The following SLIT3 variants were observed in gnomAD, a reference collection of about 807,000 sequenced individuals.
SLIT3 encodes the protein slit guidance ligand 3.
Under a neutral mutation model 184.0 loss-of-function variants are expected in SLIT3, and 68 were observed. The observed-to-expected ratio is 0.37, with a 90% CI of 0.30 to 0.45. SLIT3 has a LOEUF of 0.45. SLIT3 is among the 20% of genes least tolerant of loss of function. SLIT3 has a pLI of 1.00. For synonymous variants in SLIT3, 831 were observed against 828.6 expected, an observed-to-expected ratio of 1.00 and a Z score of -0.05; for missense variants, 1,707 against 2,026.0, an observed-to-expected ratio of 0.84 and a Z score of 3.02.
intron 3 of SLIT3, among the ~76,000 whole-genome samples, chr5:169,242,294 T>C (rs1402750201): frequency 1.3e-5 from 2 of 152,214 alleles, no homozygotes; most frequent in Non-Finnish European, 2.9e-5. Context: ...ATGTTCTTCC[T>C]GATTAAGTAC....
intron 30 of SLIT3, 60 bp from the exon 31 acceptor site, chr5:168,685,987 A>T: frequency 3.3e-6 from 5 of 1,528,574 alleles, no homozygotes; most frequent in Non-Finnish European, 4.4e-6. Flanking sequence ...AGACAATCAC[A>T]GTTACTCAGG....
chr5:168,809,108 C>G (rs1471369567), intron 8 of SLIT3, among the ~76,000 whole-genome samples: 2 of 152,254 alleles, frequency 1.3e-5, no homozygotes, highest in African/African-American at 4.8e-5. Flanking sequence ...TATTCAAGGG[C>G]TTATAATGGC....
chr5:168,946,954 A>G (rs995698398), intron 4 of SLIT3, among the ~76,000 whole-genome samples: 2 of 152,162 alleles, frequency 1.3e-5, no homozygotes, highest in African/African-American at 4.8e-5. Context: ...TTTTTCAAAG[A>G]GAAAAGATTT....
intron 4 of SLIT3, among the ~76,000 whole-genome samples, chr5:169,037,266 G>C (rs1467521667): frequency 6.6e-6 from 1 of 152,226 alleles, no homozygotes; most frequent in Non-Finnish European, 1.5e-5. Context: ...TTATGTTGCT[G>C]AAGATGAGAA....
At chr5:169,144,312 C>T (rs1184299831) in intron 4 of SLIT3, among the ~76,000 whole-genome samples, 1 of 152,178 alleles carries the variant, frequency 6.6e-6, no homozygotes, top group Non-Finnish European at 1.5e-5. Context: ...ATCTCGGCCC[C>T]CAAGTCCCTT....
chr5:168,760,992 AC>A, intron 15 of SLIT3, 56 bp from the exon 16 acceptor site: 5 of 1,309,276 alleles, frequency 3.8e-6, no homozygotes, highest in Admixed American at 1.7e-5. Flanking sequence ...CCCTCCTTCC[AC>A]CCCCCATGGC....
chr5:168,692,218 C>A (rs780881107), intron 29 of SLIT3, among the ~76,000 whole-genome samples: 1 of 152,168 alleles, frequency 6.6e-6, no homozygotes, highest in South Asian at 2.1e-4. Context: ...GACCAAATAC[C>A]CTTTAGACGC....
chr5:169,139,877 G>A (rs1284510548), intron 4 of SLIT3, among the ~76,000 whole-genome samples: 1 of 152,146 alleles, frequency 6.6e-6, no homozygotes, highest in African/African-American at 2.4e-5. Flanking sequence ...CAGCATCCCA[G>A]GAACCTGTTC....
intron 4 of SLIT3, among the ~76,000 whole-genome samples, chr5:168,888,068 G>A (rs1474061772): frequency 6.6e-6 from 1 of 152,126 alleles, no homozygotes; most frequent in African/African-American, 2.4e-5. Flanking sequence ...TCTTATGTTG[G>A]GTTCTCTCAG....
chr5:168,938,639 TA>T (rs1422568511), intron 4 of SLIT3, among the ~76,000 whole-genome samples: 1 of 152,206 alleles, frequency 6.6e-6, no homozygotes, highest in African/African-American at 2.4e-5. Context: ...TGATTATTAT[TA>T]TTTTTTTTGA....
intron 5 of SLIT3, among the ~76,000 whole-genome samples, chr5:168,871,187 C>G (rs965357201): frequency 6.6e-6 from 1 of 152,228 alleles, no homozygotes; most frequent in Non-Finnish European, 1.5e-5. Flanking sequence ...TTCTCTCTCT[C>G]TGCTTCCAGC....
intron 5 of SLIT3, among the ~76,000 whole-genome samples, chr5:168,864,526 G>A (rs1297613595): frequency 6.6e-6 from 1 of 152,220 alleles, no homozygotes; most frequent in Non-Finnish European, 1.5e-5. Flanking sequence ...ATAGATTGAA[G>A]AGTATGTGTA....
At chr5:169,206,523 G>C (rs1317487375) in intron 3 of SLIT3, among the ~76,000 whole-genome samples, 1 of 152,216 alleles carries the variant, frequency 6.6e-6, no homozygotes, top group Non-Finnish European at 1.5e-5. Flanking sequence ...AAATTTTCTG[G>C]AAGTGTACTG....
At chr5:168,962,595 C>T (rs1763056304) in intron 4 of SLIT3, among the ~76,000 whole-genome samples, 1 of 152,104 alleles carries the variant, frequency 6.6e-6, no homozygotes, top group South Asian at 2.1e-4. Context: ...ACCCCCATCT[C>T]CCCTGGTTGG....
chr5:169,047,563 T>C (rs1457471263), intron 4 of SLIT3, among the ~76,000 whole-genome samples: 2 of 150,508 alleles, frequency 1.3e-5, no homozygotes, highest in African/African-American at 4.9e-5. Flanking sequence ...CCCTTCCATC[T>C]GGAGACCTAG....
intron 4 of SLIT3, among the ~76,000 whole-genome samples, chr5:168,931,415 A>T (rs1226918229): frequency 6.6e-6 from 1 of 152,186 alleles, no homozygotes; most frequent in Non-Finnish European, 1.5e-5. Context: ...TATGTGCAAG[A>T]CACTGTGGGA....
chr5:168,896,696 G>A (rs1440837726), intron 4 of SLIT3, among the ~76,000 whole-genome samples: 1 of 152,210 alleles, frequency 6.6e-6, no homozygotes, highest in African/African-American at 2.4e-5. Context: ...AGGCTGGTTG[G>A]AAAATGGTTG....
chr5:169,237,912 TGTAAGA>T (rs1765259256), intron 3 of SLIT3, among the ~76,000 whole-genome samples: 1 of 152,250 alleles, frequency 6.6e-6, no homozygotes, highest in Non-Finnish European at 1.5e-5. Context: ...TTGTGTAAGA[TGTAAGA>T]TTTGTATCCA....
At position 168,823,162 on chromosome 5, in the gene SLIT3, T is replaced by C. The variant is rs1158758525; in HGVS notation, c.629+98A>G. 17 of 950,826 alleles carry C rather than the reference T, an allele frequency of 1.8e-5. No individual in the cohort carries two copies. The Admixed American group carries it at 2.7e-4, about 15-fold the overall frequency. The allele number at this position is 950,826 out of a possible 1,614,324, so 58.9% of individuals were successfully genotyped here. A position where few individuals can be genotyped will look rare whatever the true frequency, so the allele number is the denominator to read the frequency against. Reference sequence around the variant, plus strand: ...AATTTGAATGTCGGAACCATCTGCCTAGTCATAGCATGGTAGGTTTGACAA... The same window carrying C: ...AATTTGAATGTCGGAACCATCTGCCCAGTCATAGCATGGTAGGTTTGACAA... On this transcript the variant is annotated intron_variant, in intron 7 of 35. Transcript: ENST00000519560.
Sources: gnomAD v4.1 joint callset for allele counts (sites outside exome capture counted in the v4.1 genomes callset) on GRCh38, gnomAD v4.1.1 for gene constraint, MANE v1.5 for transcripts, NCBI Gene and HGNC (gene_info 2026-07-23, HGNC 2026-07-21) for gene names.